DLG2: variants seen among roughly 807,000 people sequenced by gnomAD.
DLG2 encodes the protein disks large homolog 2.
DLG2 carries 45 observed loss-of-function variants against 132.5 expected under a neutral mutation model. That is an observed-to-expected ratio of 0.34 (90% CI 0.27 to 0.44). The LOEUF is 0.44. Ranked by LOEUF, DLG2 falls within the 20% of genes least tolerant of loss-of-function variation. The pLI is 1.00. For missense variants in DLG2, 1,045 were observed against 1,196.9 expected, an observed-to-expected ratio of 0.87 and a Z score of 1.87; for synonymous variants, 424 against 419.6, an observed-to-expected ratio of 1.01 and a Z score of -0.13.
At chr11:83,680,738 T>C (rs1403983191) in intron 18 of DLG2, among the ~76,000 whole-genome samples, 1 of 152,160 alleles carries the variant, frequency 6.6e-6, no homozygotes, top group Non-Finnish European at 1.5e-5. Context: ...AAAATATATA[T>C]TCCATTTTCA....
intron 14 of DLG2, among the ~76,000 whole-genome samples, chr11:83,953,613 A>G (rs950200461): frequency 4.6e-5 from 7 of 152,230 alleles, no homozygotes; most frequent in African/African-American, 1.7e-4. Flanking sequence ...CAGGGATTGC[A>G]AAGTGTCATG....
intron 8 of DLG2, among the ~76,000 whole-genome samples, chr11:84,175,995 TA>T (rs1489841217): frequency 6.6e-6 from 1 of 152,114 alleles, no homozygotes; most frequent in African/African-American, 2.4e-5. Context: ...CTAACATTTT[TA>T]GATTATGGTA....
chr11:84,368,580 T>G (rs2098693520), intron 7 of DLG2, among the ~76,000 whole-genome samples: 2 of 152,160 alleles, frequency 1.3e-5, no homozygotes, highest in South Asian at 4.1e-4. Context: ...ACATGTGGTC[T>G]AAGTTAGATA....
intron 6 of DLG2, among the ~76,000 whole-genome samples, chr11:84,835,845 G>C (rs1344022110): frequency 6.6e-6 from 1 of 151,698 alleles, no homozygotes; most frequent in African/African-American, 2.4e-5. Context: ...ATGGTAAACA[G>C]TGATCTAAAT....
At chr11:84,776,295 G>A (rs1157475114) in intron 6 of DLG2, among the ~76,000 whole-genome samples, 1 of 151,986 alleles carries the variant, frequency 6.6e-6, no homozygotes, top group Non-Finnish European at 1.5e-5. Context: ...GGGGCCACAG[G>A]CACACACGAC....
chr11:83,884,837 G>C (rs912316229), intron 15 of DLG2, among the ~76,000 whole-genome samples: 6 of 152,166 alleles, frequency 3.9e-5, no homozygotes, highest in African/African-American at 7.2e-5. Context: ...AGGCAAACAG[G>C]GTCTGGAGTG....
intron 6 of DLG2, among the ~76,000 whole-genome samples, chr11:84,980,224 T>C (rs1373071351): frequency 6.6e-6 from 1 of 152,188 alleles, no homozygotes; most frequent in African/African-American, 2.4e-5. Flanking sequence ...TAATTTTACT[T>C]AACAGAAGTA....
At chr11:85,501,173 A>T (rs2093793474) in intron 3 of DLG2, among the ~76,000 whole-genome samples, 1 of 152,170 alleles carries the variant, frequency 6.6e-6, no homozygotes, top group Non-Finnish European at 1.5e-5. Flanking sequence ...TGGGGAAAAG[A>T]TTCCCTATTT....
chr11:85,527,205 T>C (rs1175498371), intron 3 of DLG2, among the ~76,000 whole-genome samples: 1 of 151,874 alleles, frequency 6.6e-6, no homozygotes, highest in Non-Finnish European at 1.5e-5. Flanking sequence ...TTACTTTAAG[T>C]TCTGGGATGC....
intron 3 of DLG2, among the ~76,000 whole-genome samples, chr11:85,420,491 G>A (rs1256247617): frequency 6.6e-6 from 1 of 152,168 alleles, no homozygotes; most frequent in Non-Finnish European, 1.5e-5. Flanking sequence ...CTTCAGAGCT[G>A]GCAGGCAAGA....
Position 84,406,025 on chromosome 11 carries a change from T to C in DLG2, c.519+128545A>G, listed in dbSNP as rs573364698. Among the ~76,000 whole-genome samples the C allele has an allele frequency of 1.7e-4, 26 of 152,258 alleles. No individual in the cohort carries two copies. The South Asian group carries it at 5.2e-3, about 30-fold the overall frequency. On this transcript the variant is annotated intron_variant, in intron 7 of 27. Coordinates refer to ENST00000376104, the MANE Select transcript of DLG2 (RefSeq NM_001142699.3). ...TCTTGGTCACAGTTTTGTTATTCACTCTATACTCCCATCTTCCCTTCTTTT... is the reference window on the plus strand; with the variant it reads ...TCTTGGTCACAGTTTTGTTATTCACCCTATACTCCCATCTTCCCTTCTTTT...
At chr11:84,545,074 C>T in intron 6 of DLG2, 1 of 453,624 alleles carries the variant, frequency 2.2e-6, no homozygotes, top group Non-Finnish European at 4.4e-6. Flanking sequence ...TCTGTTGTAA[C>T]CTGTAGCTTC....
chr11:83,789,869 G>A (rs577901144), intron 17 of DLG2: 20 of 528,786 alleles, frequency 3.8e-5, no homozygotes, highest in Admixed American at 1.0e-4. Flanking sequence ...AAGTGAAATA[G>A]TTATGGCAGC....
At chr11:85,591,517 A>G (rs2153232176) in intron 3 of DLG2, among the ~76,000 whole-genome samples, 2 of 152,264 alleles carry the variant, frequency 1.3e-5, no homozygotes, top group South Asian at 4.1e-4. Flanking sequence ...AAGGCAGGCA[A>G]ATCACAAGCT....
At chr11:85,456,086 C>T (rs1010476198) in intron 3 of DLG2, among the ~76,000 whole-genome samples, 1 of 152,114 alleles carries the variant, frequency 6.6e-6, no homozygotes, top group African/African-American at 2.4e-5. Flanking sequence ...TTGAATTCAA[C>T]TGTGAATCTG....
At chr11:84,394,661 C>T (rs886175425) in intron 7 of DLG2, among the ~76,000 whole-genome samples, 2 of 150,642 alleles carry the variant, frequency 1.3e-5, no homozygotes, top group African/African-American at 5.0e-5. Flanking sequence ...TGGAGTCTTG[C>T]TCTGTCACCC....
chr11:85,063,271 T>C (rs942767641), intron 6 of DLG2, among the ~76,000 whole-genome samples: 1 of 151,864 alleles, frequency 6.6e-6, no homozygotes, highest in African/African-American at 2.4e-5. Context: ...TGTTCTCTAA[T>C]AAGTTCTTGC....
At chr11:84,094,374 C>T (rs773107150) in intron 10 of DLG2, among the ~76,000 whole-genome samples, 1 of 152,138 alleles carries the variant, frequency 6.6e-6, no homozygotes, top group Admixed American at 6.5e-5. Context: ...CTGATTATTA[C>T]ATAACCACTA....
chr11:84,154,093 G>A (rs985544312), intron 9 of DLG2, among the ~76,000 whole-genome samples: 1 of 152,162 alleles, frequency 6.6e-6, no homozygotes, highest in Admixed American at 6.5e-5. Flanking sequence ...TGCCTCCTGG[G>A]TTTAAGCGAT....
Sources: gnomAD v4.1 joint callset for allele counts (sites outside exome capture counted in the v4.1 genomes callset) on GRCh38, gnomAD v4.1.1 for gene constraint, MANE v1.5 for transcripts, NCBI Gene and HGNC (gene_info 2026-07-23, HGNC 2026-07-21) for gene names.